Variants in DNAH14 observed in about 807,000 individuals in gnomAD.
DNAH14 encodes the protein dynein axonemal heavy chain 14, also known as axonemal beta dynein heavy chain 14.
In DNAH14, 478 loss-of-function variants were observed where a neutral mutation model predicts 520.9. That is an observed-to-expected ratio of 0.92 (90% CI 0.85 to 0.99). The LOEUF (loss-of-function observed/expected upper bound fraction) is 0.99, where lower values mean the gene tolerates loss of function less well. Ranked by LOEUF, DNAH14 falls within the 50% of genes least tolerant of loss-of-function variation. The probability of loss-of-function intolerance (pLI) is 0.00; values close to 1 mark genes in which losing one functional copy is unlikely to be tolerated. For synonymous variants in DNAH14, 1,581 were observed against 1,757.2 expected (o/e 0.90, Z 2.51); for missense variants, 4,831 against 5,234.5 (o/e 0.92, Z 2.38).
At chr1:225,223,103 C>A (rs2090206730) in intron 41 of DNAH14, among the ~76,000 whole-genome samples, 2 of 152,146 alleles carry the variant, frequency 1.3e-5, no homozygotes, top group African/African-American at 4.8e-5. Context: ...TTTGCCTGAG[C>A]CCCCTCCTCC....
At chr1:225,002,251 A>C (rs1174672604) in intron 8 of DNAH14, among the ~76,000 whole-genome samples, 1 of 151,906 alleles carries the variant, frequency 6.6e-6, no homozygotes, top group Admixed American at 6.6e-5. Context: ...TGTTATTTCC[A>C]GTGTAGTTAG....
intron 19 of DNAH14, among the ~76,000 whole-genome samples, chr1:225,081,515 A>G (rs1188531966): frequency 6.6e-6 from 1 of 152,186 alleles, no homozygotes; most frequent in South Asian, 2.1e-4. Flanking sequence ...TAAAGTAACA[A>G]CTAGACGACA....
At chr1:225,282,189 C>T (rs192127005) in intron 54 of DNAH14, among the ~76,000 whole-genome samples, 6 of 152,260 alleles carry the variant, frequency 3.9e-5, no homozygotes, top group East Asian at 3.9e-4. Flanking sequence ...CCAAACACAC[C>T]GATGGCAGAC....
chr1:225,063,503 G>T lies in DNAH14; in HGVS notation c.2424+11708G>T, dbSNP rs186158526. Among the ~76,000 whole-genome samples the T allele has an allele frequency of 5.3e-4, 81 of 152,146 alleles. No homozygotes were observed. In the South Asian group the frequency reaches 0.011, roughly 20 times the overall value. On this transcript the variant is annotated intron_variant, in intron 17 of 85. Coordinates refer to ENST00000682510, the MANE Select transcript of DNAH14 (RefSeq NM_001367479.1). ...ATGGAGGGCTGACTGTATCTTAAAT[G>T]AAAACTTCACTTGATGAGATTAATT...
intron 41 of DNAH14, among the ~76,000 whole-genome samples, chr1:225,215,447 A>G (rs1438983307): frequency 6.6e-6 from 1 of 152,156 alleles, no homozygotes; most frequent in African/African-American, 2.4e-5. Flanking sequence ...GCTGAGTTCA[A>G]TTCCTGGATA....
intron 17 of DNAH14, 35 bp downstream of exon 17, chr1:225,051,830 G>GTTTCA (rs2068563823): frequency 7.4e-7 from 1 of 1,349,726 alleles, no homozygotes. Flanking sequence ...GTGTAAGAAT[G>GTTTCA]TTTCAGATTA....
chr1:224,972,470 ATT>A (rs879734100), intron 7 of DNAH14, among the ~76,000 whole-genome samples: 2 of 123,650 alleles, frequency 1.6e-5, no homozygotes, highest in Non-Finnish European at 1.7e-5. Flanking sequence ...CACCTGGCTA[ATT>A]TTTTTTTTTT....
At chr1:225,047,113 A>G (rs2068036329) in intron 15 of DNAH14, among the ~76,000 whole-genome samples, 1 of 152,224 alleles carries the variant, frequency 6.6e-6, no homozygotes, top group South Asian at 2.1e-4. Flanking sequence ...GAAAATATCT[A>G]GAAAATATAT....
rs2090817120 is a variant in DNAH14, at chr1:225,228,879, T to C, written c.6440-2194T>C. ...TGGAAGGCCGGGGGTTTTGCAAAGCTTCAGGGAAGAATGAGCTGAAGGCAG... is the reference window on the plus strand; with the variant it reads ...TGGAAGGCCGGGGGTTTTGCAAAGCCTCAGGGAAGAATGAGCTGAAGGCAG... On this transcript the variant is annotated intron_variant, in intron 41 of 85. Coordinates refer to ENST00000682510, the MANE Select transcript of DNAH14 (RefSeq NM_001367479.1). 2.0e-5 allele frequency among the ~76,000 whole-genome samples: 3 copies of C among 152,156 alleles called. 1 individual carries two copies. The highest frequency in any genetic ancestry group is 1.3e-4 in the Admixed American group (2 of 15,280).
At chr1:225,228,618 A>T (rs1372706718) in intron 41 of DNAH14, among the ~76,000 whole-genome samples, 1 of 151,438 alleles carries the variant, frequency 6.6e-6, no homozygotes, top group Non-Finnish European at 1.5e-5. Flanking sequence ...GGGGGGGGTC[A>T]CTTCTTGATT....
In DNAH14 at chr1:225,264,243, A is replaced by G; in HGVS notation, c.7204A>G (p.Thr2402Ala). The G allele has an allele frequency of 6.5e-7, 1 of 1,550,004 alleles. No individual in the cohort carries two copies. Among genetic ancestry groups the G allele is most frequent in the Admixed American group, 2.0e-5 (1 of 50,954 alleles). The change falls in exon 47 of 86, where the codon ACA (threonine) becomes GCA (alanine). Residue 2402 changes from threonine (T) to alanine (A), a missense_variant. By Grantham distance (58) the Thr-to-Ala change is moderately conservative. Transcript: ENST00000682510. ...CATCTTGATTCCTGAAACTCATAAG[A>G]CAGCAACTGGAAGTTCAGGTATATA... ...ITILIPETHK[T>A]ATGSSDNPTK...
chr1:225,043,021 G>T lies in DNAH14; in HGVS notation c.1675G>T (p.Asp559Tyr). The T allele has an allele frequency of 6.4e-7, 1 of 1,551,600 alleles. No homozygotes were observed. The highest frequency in any genetic ancestry group is 8.7e-7 in the Non-Finnish European group (1 of 1,146,948). The part of the protein sequence containing the change: ...MFEDEMSENK[D>Y]NCVKKHSSEE... ...TGAAGATGAAATGTCAGAAAATAAAGACAATTGTGTCAAAAAACACTCAAG... is the reference window on the plus strand; with the variant it reads ...TGAAGATGAAATGTCAGAAAATAAATACAATTGTGTCAAAAAACACTCAAG... Residue 559 changes from aspartate to tyrosine, a missense_variant, in exon 13 of 86, where the codon GAC (aspartate) becomes TAC (tyrosine). Physicochemically the swap from Asp to Tyr is radical, Grantham distance 160 (BLOSUM62 -3). Transcript: ENST00000682510.
intron 17 of DNAH14, among the ~76,000 whole-genome samples, chr1:225,077,529 G>A (rs2148541002): frequency 6.6e-6 from 1 of 152,188 alleles, no homozygotes; most frequent in East Asian, 1.9e-4. Context: ...ATTTGTATTG[G>A]AGTCTAAATA....
At chr1:225,376,192 C>T (rs1346454690) in intron 78 of DNAH14, among the ~76,000 whole-genome samples, 2 of 151,850 alleles carry the variant, frequency 1.3e-5, no homozygotes, top group Non-Finnish European at 2.9e-5. Context: ...TTTGGGAGGC[C>T]GAGGAGAGTA....
chr1:225,271,957 A>G lies in DNAH14; in HGVS notation c.7723A>G (p.Lys2575Glu). The G allele has an allele frequency of 6.4e-7, 1 of 1,550,496 alleles. No homozygotes were observed. Among genetic ancestry groups the G allele is most frequent in the Admixed American group, 2.0e-5 (1 of 50,778 alleles). ...CAATAACTTCACACCTGAAGTTCAG[A>G]AAAGTAAGGATCAGATAATATCTTG... Reference protein sequence around the residue: ...SINNFTPEVQKSKDQIISCSL... With the variant: ...SINNFTPEVQESKDQIISCSL... The change falls in exon 51 of 86, where the codon AAA becomes GAA. Residue 2575 changes from lysine (K) to glutamate (E), a missense_variant. By Grantham distance (56) the Lys-to-Glu change is moderately conservative. Transcript: ENST00000682510.
intron 1 of DNAH14, among the ~76,000 whole-genome samples, chr1:224,951,792 A>G (rs1190302672): frequency 6.6e-6 from 1 of 151,846 alleles, no homozygotes; most frequent in African/African-American, 2.4e-5. Flanking sequence ...CTGGGACTAC[A>G]GGCGCCCACC....
chr1:225,178,323 A>G (rs537136339), intron 36 of DNAH14, among the ~76,000 whole-genome samples: 1 of 152,222 alleles, frequency 6.6e-6, no homozygotes, highest in African/African-American at 2.4e-5. Context: ...TCATGGGGAG[A>G]GGCAAAAGGC....
At chr1:224,981,285 G>T (rs2062249303) in intron 8 of DNAH14, among the ~76,000 whole-genome samples, 1 of 152,120 alleles carries the variant, frequency 6.6e-6, no homozygotes, top group African/African-American at 2.4e-5. Flanking sequence ...TGGAATTAGG[G>T]TGATGCTGGC....
At chr1:225,364,696 C>T (rs768737622) in intron 75 of DNAH14, 96 bp from the exon 76 acceptor site, 70 of 843,424 alleles carry the variant, frequency 8.3e-5, no homozygotes, top group Admixed American at 1.5e-4. Context: ...TAAAATGATT[C>T]GTAAGGCCAC....
Sources: gnomAD v4.1 joint callset for allele counts (sites outside exome capture counted in the v4.1 genomes callset) on GRCh38, gnomAD v4.1.1 for gene constraint, MANE v1.5 for transcripts, NCBI Gene and HGNC (gene_info 2026-07-23, HGNC 2026-07-21) for gene names.